The following CNTLN variants were observed in gnomAD, a reference collection of about 807,000 sequenced individuals.
The protein encoded by CNTLN is centlein, centrosomal protein.
A neutral mutation model predicts 180.0 loss-of-function variants in CNTLN; 212 were observed. That is an observed-to-expected ratio of 1.18 (90% CI 1.05 to 1.32). The LOEUF (loss-of-function observed/expected upper bound fraction) is 1.32. CNTLN is among the 40% of genes most tolerant of loss of function. CNTLN has a pLI of 0.00. For missense variants in CNTLN, 2,095 were observed against 1,610.9 expected, an observed-to-expected ratio of 1.30 and a Z score of -5.14; for synonymous variants, 722 against 563.1, an observed-to-expected ratio of 1.28 and a Z score of -3.99.
chr9:17,492,163 T>A (rs1257875054), intron 25 of CNTLN, among the ~76,000 whole-genome samples: 10 of 152,244 alleles, frequency 6.6e-5, no homozygotes, highest in Admixed American at 5.9e-4. Context: ...AAAGTAAGCC[T>A]ACTTTCGTAT....
chr9:17,523,513 A>C, the CNTLN span, among the ~76,000 whole-genome samples: 2 of 152,170 alleles, frequency 1.3e-5, no homozygotes, highest in African/African-American at 4.8e-5. Context: ...CTGGGATTAC[A>C]GGTGTGCGCC....
At chr9:17,185,004 A>T (rs1427523466) in intron 2 of CNTLN, among the ~76,000 whole-genome samples, 1 of 152,236 alleles carries the variant, frequency 6.6e-6, no homozygotes, top group East Asian at 1.9e-4. Context: ...TTTAGCCAAT[A>T]ACATTTAATT....
chr9:17,442,231 T>G (rs1236362498), intron 18 of CNTLN, among the ~76,000 whole-genome samples: 1 of 152,144 alleles, frequency 6.6e-6, no homozygotes, highest in Non-Finnish European at 1.5e-5. Context: ...TCTTCTCAAG[T>G]GCACATGAAA....
intron 12 of CNTLN, among the ~76,000 whole-genome samples, chr9:17,345,520 A>G (rs1372417504): frequency 1.3e-5 from 2 of 148,210 alleles, no homozygotes; most frequent in African/African-American, 2.5e-5. Context: ...GTTTTTGACT[A>G]TATCTTTTTG....
intron 19 of CNTLN, among the ~76,000 whole-genome samples, chr9:17,460,533 A>G (rs557869098): frequency 1.3e-5 from 2 of 151,890 alleles, no homozygotes; most frequent in South Asian, 2.1e-4. Context: ...CAAGGAAATT[A>G]CTTAACTTCT....
chr9:17,435,399 C>T (rs1276966232), intron 18 of CNTLN, among the ~76,000 whole-genome samples: 1 of 151,996 alleles, frequency 6.6e-6, no homozygotes, highest in South Asian at 2.1e-4. Flanking sequence ...TATAACTACC[C>T]CTCCAAAAAC....
chr9:17,222,449 C>A (rs887323977), intron 2 of CNTLN, among the ~76,000 whole-genome samples: 1 of 151,906 alleles, frequency 6.6e-6, no homozygotes, highest in Non-Finnish European at 1.5e-5. Context: ...GGTGGTTTCC[C>A]CTGTACTGTT....
intron 2 of CNTLN, among the ~76,000 whole-genome samples, chr9:17,201,561 T>TGG (rs756472721): frequency 1.3e-5 from 2 of 152,170 alleles, no homozygotes; most frequent in East Asian, 3.9e-4. Context: ...GGTTTAGTCT[T>TGG]GGGAGGATGT....
intron 6 of CNTLN, among the ~76,000 whole-genome samples, chr9:17,297,959 A>G (rs1818065072): frequency 6.6e-6 from 1 of 152,232 alleles, no homozygotes; most frequent in African/African-American, 2.4e-5. Flanking sequence ...AAGCTACAAA[A>G]GAAAATTAAT....
At chr9:17,399,669 G>A (rs1564071410) in intron 15 of CNTLN, among the ~76,000 whole-genome samples, 1 of 152,064 alleles carries the variant, frequency 6.6e-6, no homozygotes, top group Non-Finnish European at 1.5e-5. Context: ...ACAACTGATG[G>A]GGTTCAGGAC....
At chr9:17,312,350 T>TATATATA (rs1554685929) in intron 8 of CNTLN, among the ~76,000 whole-genome samples, 5 of 16,360 alleles carry the variant, frequency 3.1e-4, no homozygotes, top group Non-Finnish European at 7.3e-4. Flanking sequence ...TATTTATATA[T>TATATATA]ATATATATAT....
At chr9:17,408,014 C>G (rs1827532291) in intron 15 of CNTLN, among the ~76,000 whole-genome samples, 1 of 150,722 alleles carries the variant, frequency 6.6e-6, no homozygotes, top group Non-Finnish European at 1.5e-5. Flanking sequence ...GTAATCCCAG[C>G]TACTCGGGAG....
At chr9:17,290,963 C>T (rs969005685) in intron 6 of CNTLN, among the ~76,000 whole-genome samples, 42 of 152,208 alleles carry the variant, frequency 2.8e-4, no homozygotes, top group East Asian at 1.7e-3. Flanking sequence ...AGAAATCACC[C>T]GTCTTCTGTG....
In CNTLN at chr9:17,201,766, A is replaced by G. The variant is rs145035918; in HGVS notation, c.450-24437A>G. Among the ~76,000 whole-genome samples the G allele has an allele frequency of 2.7e-3, 409 of 151,626 alleles. 5 individuals carry two copies. Among genetic ancestry groups the G allele is most frequent in the African/African-American group, 9.4e-3 (388 of 41,376 alleles). On this transcript the variant is annotated intron_variant, in intron 2 of 25. Coordinates refer to ENST00000380647, the MANE Select transcript of CNTLN (RefSeq NM_017738.4). ...GTCTAGCTAGTGATCTATTTTGTCAATCTTTTCAAAAAACCAGCTCCTGGA... is the reference window on the plus strand; with the variant it reads ...GTCTAGCTAGTGATCTATTTTGTCAGTCTTTTCAAAAAACCAGCTCCTGGA...
chr9:17,390,138 C>T (rs1209159896), intron 14 of CNTLN, among the ~76,000 whole-genome samples: 1 of 151,434 alleles, frequency 6.6e-6, no homozygotes, highest in Non-Finnish European at 1.5e-5. Flanking sequence ...AAGTCACCTA[C>T]TCTGTTATAC....
At position 17,416,029 on chromosome 9, in the gene CNTLN, G is replaced by C. The variant is rs764726240; in HGVS notation, c.2954G>C (p.Arg985Pro). 9 of 1,613,118 alleles carry C rather than the reference G, an allele frequency of 5.6e-6. No individual in the cohort carries two copies. The highest frequency in any genetic ancestry group is 4.0e-5 in the African/African-American group (3 of 74,860). The change falls in exon 18 of 26, where the codon CGA becomes CCA. Residue 985 changes from arginine to proline, a missense_variant. By Grantham distance (103) the Arg-to-Pro change is moderately radical (BLOSUM62 -2). Transcript: ENST00000380647. ...QKSSSNIILL[R>P]ERIISLQQQN... ...TCAAGTAGCAATATTATTTTATTAC[G>C]AGAACGGATTATATCCTTGCAACAA... is the stretch of plus-strand genomic sequence containing the variant.
chr9:17,219,534 A>G (rs1163026981), intron 2 of CNTLN, among the ~76,000 whole-genome samples: 1 of 151,990 alleles, frequency 6.6e-6, no homozygotes, highest in African/African-American at 2.4e-5. Context: ...ATATTAGTCA[A>G]TTTTGGAGGT....
At chr9:17,292,054 A>C (rs1363741887) in intron 6 of CNTLN, among the ~76,000 whole-genome samples, 2 of 152,146 alleles carry the variant, frequency 1.3e-5, no homozygotes, top group Non-Finnish European at 2.9e-5. Context: ...TCCTTAGCTT[A>C]TGAAGCTTAG....
In CNTLN at chr9:17,502,739, C is replaced by G. The variant is rs1413789005; in HGVS notation, c.*87C>G. 2.1e-6 allele frequency: 1 copy of G among 482,460 alleles called. No homozygotes were observed. The highest frequency in any genetic ancestry group is 3.7e-6 in the Non-Finnish European group (1 of 270,046). The allele number at this position is 482,460 out of a possible 1,614,324, so 29.9% of individuals were successfully genotyped here. ...ATGCATTGCAATCCTGACACGGTAT[C>G]TGCTCCAACTATCAATAGTCAGGTT... is the stretch of plus-strand genomic sequence containing the variant. On this transcript the variant is annotated 3_prime_UTR_variant, in exon 26 of 26. Coordinates refer to ENST00000380647, the MANE Select transcript of CNTLN (RefSeq NM_017738.4).
Sources: allele counts gnomAD v4.1 joint callset (sites outside exome capture counted in the v4.1 genomes callset), GRCh38; gene constraint gnomAD v4.1.1; transcripts MANE v1.5; gene names NCBI Gene and HGNC (gene_info 2026-07-23, HGNC 2026-07-21).